Variants in LRP1B observed in about 807,000 individuals in gnomAD.
LRP1B encodes low-density lipoprotein receptor-related protein 1B.
Under a neutral mutation model 556.6 loss-of-function variants are expected in LRP1B, and 217 were observed. The ratio of observed to expected loss-of-function variants is 0.39; its 90% CI spans 0.35 to 0.44. The LOEUF (loss-of-function observed/expected upper bound fraction) is 0.44, where lower values mean the gene tolerates loss of function less well. Ranked by LOEUF, LRP1B falls within the 20% of genes least tolerant of loss-of-function variation. The pLI is 1.00. For missense variants in LRP1B, 5,053 were observed against 5,620.8 expected (o/e 0.90, Z 3.23); for synonymous variants, 2,047 against 1,865.8 (o/e 1.10, Z -2.50).
At chr2:141,914,231 G>T (rs912971569) in intron 1 of LRP1B, among the ~76,000 whole-genome samples, 2 of 152,082 alleles carry the variant, frequency 1.3e-5, no homozygotes, top group Non-Finnish European at 2.9e-5. Context: ...ATAGATAAAA[G>T]GATATAAATG....
chr2:140,387,891 A>C (rs1683830994), intron 66 of LRP1B, among the ~76,000 whole-genome samples: 1 of 151,902 alleles, frequency 6.6e-6, no homozygotes, highest in South Asian at 2.1e-4. Flanking sequence ...TCCATGTGTA[A>C]ACATTAGTCT....
chr2:142,101,983 G>A (rs1434209837), intron 1 of LRP1B, among the ~76,000 whole-genome samples: 1 of 151,844 alleles, frequency 6.6e-6, no homozygotes, highest in Non-Finnish European at 1.5e-5. Context: ...GTTCTGAGAT[G>A]TTAAATAATA....
intron 31 of LRP1B, among the ~76,000 whole-genome samples, chr2:140,838,639 C>A (rs956650971): frequency 6.6e-6 from 1 of 151,994 alleles, no homozygotes; most frequent in Non-Finnish European, 1.5e-5. Flanking sequence ...TATATTGATT[C>A]TTTTCCCAGA....
chr2:141,226,854 GC>G (rs1683269846), intron 6 of LRP1B, among the ~76,000 whole-genome samples: 1 of 151,986 alleles, frequency 6.6e-6, no homozygotes, highest in Non-Finnish European at 1.5e-5. Flanking sequence ...TCACACCCCT[GC>G]CCCACTCCCA....
At chr2:140,911,812 C>T (rs1694428207) in intron 21 of LRP1B, among the ~76,000 whole-genome samples, 1 of 151,744 alleles carries the variant, frequency 6.6e-6, no homozygotes, top group Admixed American at 6.6e-5. Flanking sequence ...ATCACCAATC[C>T]ATGATGGCAT....
intron 25 of LRP1B, among the ~76,000 whole-genome samples, chr2:140,882,523 C>G (rs1200162845): frequency 6.6e-6 from 1 of 152,148 alleles, no homozygotes; most frequent in African/African-American, 2.4e-5. Context: ...TGTAAAATCT[C>G]TCAATATTTT....
intron 1 of LRP1B, among the ~76,000 whole-genome samples, chr2:141,893,804 T>A (rs1469414638): frequency 6.6e-6 from 1 of 152,134 alleles, no homozygotes; most frequent in Admixed American, 6.6e-5. Context: ...AATGAACCAA[T>A]AAGTACCAAT....
At chr2:140,486,135 T>C (rs1037767063) in intron 58 of LRP1B, among the ~76,000 whole-genome samples, 2 of 152,000 alleles carry the variant, frequency 1.3e-5, no homozygotes, top group African/African-American at 2.4e-5. Flanking sequence ...ATATAATATA[T>C]ATAAAATGAT....
chr2:140,646,628 TGTTA>T (rs1684495153), intron 41 of LRP1B, among the ~76,000 whole-genome samples: 1 of 152,234 alleles, frequency 6.6e-6, no homozygotes, highest in African/African-American at 2.4e-5. Flanking sequence ...TATTTTTTAA[TGTTA>T]GTTATCTTTT....
chr2:140,801,863 G>A (rs1690525682), intron 32 of LRP1B, among the ~76,000 whole-genome samples: 1 of 152,122 alleles, frequency 6.6e-6, no homozygotes, highest in African/African-American at 2.4e-5. Flanking sequence ...AGGAAGGTAA[G>A]AGGCAACTGC....
At chr2:140,646,113 T>A (rs1684474756) in intron 41 of LRP1B, among the ~76,000 whole-genome samples, 1 of 152,186 alleles carries the variant, frequency 6.6e-6, no homozygotes, top group African/African-American at 2.4e-5. Context: ...TTTCATACCC[T>A]AAACATGCCA....
intron 2 of LRP1B, among the ~76,000 whole-genome samples, chr2:141,526,934 C>T (rs552376726): frequency 8.6e-5 from 13 of 151,988 alleles, no homozygotes; most frequent in Non-Finnish European, 1.6e-4. Context: ...TTTTAGAATC[C>T]GGATTACAGG....
At chr2:140,522,664 G>C (rs1601481) in intron 49 of LRP1B, among the ~76,000 whole-genome samples, 106,987 of 147,408 alleles carry the variant, frequency 0.73, 38,378 homozygotes, top group Middle Eastern at 0.86. Context: ...TTGATGGACC[G>C]CTTGCTAGAT....
At chr2:141,261,081 CA>C (rs922539678) in intron 3 of LRP1B, among the ~76,000 whole-genome samples, 2 of 152,138 alleles carry the variant, frequency 1.3e-5, no homozygotes, top group Admixed American at 1.3e-4. Context: ...CTCCTCTTGT[CA>C]GCAGGACATA....
chr2:141,235,836 T>C (rs1375511659), intron 5 of LRP1B, among the ~76,000 whole-genome samples: 1 of 152,330 alleles, frequency 6.6e-6, no homozygotes, highest in East Asian at 1.9e-4. Flanking sequence ...TAAGTTAATA[T>C]AGCTATTAAG....
chr2:140,950,687 G>A (rs553541280), intron 19 of LRP1B, among the ~76,000 whole-genome samples: 3 of 151,946 alleles, frequency 2.0e-5, no homozygotes, highest in East Asian at 3.9e-4. Context: ...ATGGGGTTTC[G>A]CCATGTGTTG....
intron 2 of LRP1B, among the ~76,000 whole-genome samples, chr2:141,499,892 C>CT (rs1193874570): frequency 1.3e-5 from 2 of 151,732 alleles, no homozygotes; most frequent in Non-Finnish European, 2.9e-5. Context: ...GAAGTTACTT[C>CT]TTTTTTTTAG....
chr2:140,266,146 T>C lies in LRP1B; in HGVS notation c.13247+4096A>G, dbSNP rs542575191. ...TCTAGATCCTACTTACTGTTTTTTT[T>C]TGTTTAATTCATAACCAAGTTTTCA... On this transcript the variant is annotated intron_variant, in intron 86 of 90. Coordinates refer to ENST00000389484, the MANE Select transcript of LRP1B (RefSeq NM_018557.3). Among the ~76,000 whole-genome samples, 11 of 152,160 alleles carry C rather than the reference T, an allele frequency of 7.2e-5. No homozygotes were observed. The South Asian group carries it at 2.3e-3, about 32-fold the overall frequency.
chr2:142,128,888 A>G (rs866879273), intron 1 of LRP1B, among the ~76,000 whole-genome samples: 4 of 152,136 alleles, frequency 2.6e-5, no homozygotes, highest in Non-Finnish European at 5.9e-5. Flanking sequence ...TGGGGTCTGT[A>G]TTTTTTATGT....
Sources: gnomAD v4.1 joint callset for allele counts (sites outside exome capture counted in the v4.1 genomes callset) on GRCh38, gnomAD v4.1.1 for gene constraint, MANE v1.5 for transcripts, NCBI Gene and HGNC (gene_info 2026-07-23, HGNC 2026-07-21) for gene names.